The following PCDHGA1 variants were observed in gnomAD, a reference collection of about 807,000 sequenced individuals.
The protein encoded by PCDHGA1 is protocadherin gamma-A1.
PCDHGA1 carries 32 observed loss-of-function variants against 58.0 expected under a neutral mutation model. That is an observed-to-expected ratio of 0.55 (90% confidence interval 0.42 to 0.74). PCDHGA1 has a LOEUF of 0.74. Among genes scored for constraint, PCDHGA1 ranks in the 30% least tolerant of loss-of-function variants. The pLI is 0.00. For synonymous variants in PCDHGA1, 498 were observed against 501.1 expected (o/e 0.99, Z 0.08); for missense variants, 1,205 against 1,182.3 (o/e 1.02, Z -0.28).
intron 1 of PCDHGA1, chr5:141,346,241 C>T: frequency 2.5e-6 from 4 of 1,614,198 alleles, no homozygotes; most frequent in South Asian, 1.1e-5. Flanking sequence ...CGAGTACGCC[C>T]GGCTCGCACT....
intron 1 of PCDHGA1, chr5:141,391,032 T>C (rs908748282): frequency 2.0e-5 from 3 of 152,212 alleles, no homozygotes; most frequent in African/African-American, 7.2e-5. Context: ...AAGACAATGT[T>C]TTGTGTCTGT....
intron 1 of PCDHGA1, chr5:141,415,739 G>GT (rs1561759437): frequency 3.9e-5 from 17 of 435,138 alleles, no homozygotes; most frequent in African/African-American, 2.3e-4. Flanking sequence ...TGTTTATTAA[G>GT]GTTTTTTTTT....
In PCDHGA1 at chr5:141,486,487, C is replaced by T; in HGVS notation, c.2422-8320C>T. ...CTGGGAACCCTCCTCTCAGTACCCA[C>T]AGAACTATTTTCCTCAATATTTCAG... On this transcript the variant is annotated intron_variant, in intron 1 of 3. Coordinates refer to ENST00000517417, the MANE Select transcript of PCDHGA1 (RefSeq NM_018912.3). This position sits in a 1 kb window ranked among gnomAD's most constrained non-coding sequence, Gnocchi z 5.0. 1 of 1,614,086 alleles carries T rather than the reference C, an allele frequency of 6.2e-7. No individual in the cohort carries two copies. Among genetic ancestry groups the T allele is most frequent in the Non-Finnish European group, 8.5e-7 (1 of 1,179,918 alleles).
intron 1 of PCDHGA1, chr5:141,399,545 C>T (rs978973236): frequency 6.2e-7 from 1 of 1,614,050 alleles, no homozygotes; most frequent in African/African-American, 1.3e-5. Flanking sequence ...GTCTGCGCCT[C>T]GGACCTGGAC....
At chr5:141,423,722 GT>G in intron 1 of PCDHGA1, 1 of 954,176 alleles carries the variant, frequency 1.0e-6, no homozygotes, top group Admixed American at 5.1e-5. Flanking sequence ...TTAAGGAGAT[GT>G]TTTTTGAGCC....
chr5:141,399,427 G>A (rs1049477252), intron 1 of PCDHGA1: 2 of 1,613,842 alleles, frequency 1.2e-6, no homozygotes, highest in African/African-American at 2.7e-5. Context: ...CAGCATAAGC[G>A]TCATCCTACA....
At position 141,365,619 on chromosome 5, in the gene PCDHGA1, C is replaced by T. The variant is rs373801138; in HGVS notation, c.2421+32514C>T. The T allele has an allele frequency of 2.5e-6, 4 of 1,613,488 alleles. No homozygotes were observed. The African/African-American group carries it at 4.0e-5, about 16-fold the overall frequency. Reference sequence around the variant, plus strand: ...TTAACCGTCATGGACCATGGAACCCCGCCCCTCTCTACAGAAAGCCACATC... The same window carrying T: ...TTAACCGTCATGGACCATGGAACCCTGCCCCTCTCTACAGAAAGCCACATC... On this transcript the variant is annotated intron_variant, in intron 1 of 3. Transcript: ENST00000517417.
At position 141,371,145 on chromosome 5, in the gene PCDHGA1, G is replaced by A. The variant is rs144065486; in HGVS notation, c.2421+38040G>A. The stretch of plus-strand genomic sequence containing the variant: ...TACTCAGGACATGTACAGGGTCAAT[G>A]TTGCAGAGAACCTGCCCGCTGGCTC... On this transcript the variant is annotated intron_variant, in intron 1 of 3. Coordinates refer to ENST00000517417, the MANE Select transcript of PCDHGA1 (RefSeq NM_018912.3). 54 of 1,614,030 alleles carry A rather than the reference G, an allele frequency of 3.3e-5. No individual in the cohort carries two copies. The African/African-American group carries it at 6.0e-4, about 18-fold the overall frequency.
intron 1 of PCDHGA1, chr5:141,371,857 C>G (rs1768115675): frequency 6.2e-7 from 1 of 1,613,484 alleles, no homozygotes; most frequent in Admixed American, 1.7e-5. Flanking sequence ...GGCCTTGTCT[C>G]CTACTACATC....
chr5:141,473,079 A>G (rs1389177835), intron 1 of PCDHGA1, among the ~76,000 whole-genome samples: 2 of 152,086 alleles, frequency 1.3e-5, no homozygotes, highest in African/African-American at 4.8e-5. Flanking sequence ...ATCTTTGTTT[A>G]TTATCCACTG....
chr5:141,491,583 C>G lies in PCDHGA1; in HGVS notation c.2422-3224C>G. On this transcript the variant is annotated intron_variant, in intron 1 of 3. Coordinates refer to ENST00000517417, the MANE Select transcript of PCDHGA1 (RefSeq NM_018912.3). This position sits in a 1 kb window ranked among gnomAD's most constrained non-coding sequence, Gnocchi z 6.9. ...GCTACAGGACGTGCTTTTCACCGGC[C>G]TCGGACGGCAGTGACTTCACTTTTC... is the stretch of plus-strand genomic sequence containing the variant. 1 of 1,613,964 alleles carries G rather than the reference C, an allele frequency of 6.2e-7. No individual in the cohort carries two copies. The highest frequency in any genetic ancestry group is 8.5e-7 in the Non-Finnish European group (1 of 1,180,046).
chr5:141,395,074 C>G, intron 1 of PCDHGA1: 1 of 1,614,166 alleles, frequency 6.2e-7, no homozygotes, highest in East Asian at 2.2e-5. Flanking sequence ...CAGACCTATT[C>G]CCAGGAAGTC....
chr5:141,384,286 G>C lies in PCDHGA1; in HGVS notation c.2421+51181G>C, dbSNP rs760333073. ...CTCATCCTACTCAGTCTACATCGCT[G>C]AGAACAACCCCAGAGGGGCCTCCAT... On this transcript the variant is annotated intron_variant, in intron 1 of 3. Coordinates refer to ENST00000517417, the MANE Select transcript of PCDHGA1 (RefSeq NM_018912.3). 3 of 1,613,716 alleles carry C rather than the reference G, an allele frequency of 1.9e-6. No homozygotes were observed. In the East Asian group the frequency reaches 6.7e-5, roughly 36 times the overall value.
rs760714983 is a variant in PCDHGA1 at position 141,389,956 on chromosome 5, T to C, written c.2421+56851T>C. 12 of 1,614,040 alleles carry C rather than the reference T, an allele frequency of 7.4e-6. No homozygotes were observed. In the South Asian group the frequency reaches 7.7e-5, roughly 10 times the overall value. ...CAGGCTGAGCTGCAGTTTTACCTAG[T>C]GGTGGCCTTGGCCTTGATCTCAGTG... is the stretch of plus-strand genomic sequence containing the variant. On this transcript the variant is annotated intron_variant, in intron 1 of 3. Coordinates refer to ENST00000517417, the MANE Select transcript of PCDHGA1 (RefSeq NM_018912.3).
At chr5:141,506,237 T>G (rs558256375) in intron 3 of PCDHGA1, among the ~76,000 whole-genome samples, 1 of 152,014 alleles carries the variant, frequency 6.6e-6, no homozygotes, top group South Asian at 2.1e-4. Flanking sequence ...GATCATGAGG[T>G]CAGGAGTTCG....
chr5:141,481,913 C>CAAAAAAAAAAAAA (rs34114744), intron 1 of PCDHGA1, among the ~76,000 whole-genome samples: 1 of 90,852 alleles, frequency 1.1e-5, no homozygotes. Flanking sequence ...AACTCCATCT[C>CAAAAAAAAAAAAA]AAAAAAAAAA....
chr5:141,427,483 A>G lies in PCDHGA1; in HGVS notation c.2422-67324A>G, dbSNP rs759092057. The G allele has an allele frequency of 1.5e-4, 79 of 535,350 alleles. 2 individuals carry two copies. The highest frequency in any genetic ancestry group is 1.1e-3 in the South Asian group (73 of 65,268). 33.2% of individuals were successfully genotyped at this position (535,350 alleles called of 1,614,324 possible). ...ATCGAATCTTCCGCCAATAATGACT[A>G]TAAGCTTGTAACAGATGGGACCCTG... On this transcript the variant is annotated intron_variant, in intron 1 of 3. Coordinates refer to ENST00000517417, the MANE Select transcript of PCDHGA1 (RefSeq NM_018912.3).
Position 141,331,105 on chromosome 5 carries a change from A to G in PCDHGA1, c.421A>G (p.Lys141Glu), listed in dbSNP as rs750574011. ...ATTCCAGTTAGAGGAACTGGAGTTT[A>G]AAATGAATGAAATAACGACTCCAGG... Reference protein sequence around the residue: ...PQFQLEELEFKMNEITTPGTR... With the variant: ...PQFQLEELEFEMNEITTPGTR... Residue 141 changes from lysine (K) to glutamate (E), a missense_variant, in exon 1 of 4, where the codon AAA (lysine) becomes GAA (glutamate). Transcript: ENST00000517417. 2 of 1,614,218 alleles carry G rather than the reference A, an allele frequency of 1.2e-6. No individual in the cohort carries two copies. Among genetic ancestry groups the G allele is most frequent in the Non-Finnish European group, 1.7e-6 (2 of 1,180,028 alleles).
intron 1 of PCDHGA1, chr5:141,418,454 A>G (rs1211470387): frequency 3.1e-6 from 5 of 1,613,774 alleles, no homozygotes; most frequent in Non-Finnish European, 3.4e-6. Flanking sequence ...ATTGCAGAAG[A>G]CTCTGGACCG....
Sources: allele counts gnomAD v4.1 joint callset (sites outside exome capture counted in the v4.1 genomes callset), GRCh38; gene constraint gnomAD v4.1.1; non-coding constraint Gnocchi (gnomAD v3.1); transcripts MANE v1.5; gene names NCBI Gene and HGNC (gene_info 2026-07-23, HGNC 2026-07-21).